BRIP1: variants seen among roughly 807,000 people sequenced by gnomAD.
The protein encoded by BRIP1 is Fanconi anemia group J protein.
A neutral mutation model predicts 119.7 loss-of-function variants in BRIP1; 88 were observed. The ratio of observed to expected loss-of-function variants is 0.74; its 90% CI spans 0.62 to 0.88. The LOEUF is 0.88. BRIP1 is among the 40% of genes least tolerant of loss of function. The pLI, the probability that BRIP1 is intolerant of heterozygous loss-of-function variation, is 0.00. For missense variants in BRIP1, 1,259 were observed against 1,455.4 expected, an observed-to-expected ratio of 0.87 and a Z score of 2.20; for synonymous variants, 443 against 496.5, an observed-to-expected ratio of 0.89 and a Z score of 1.43.
rs1463009830 is a variant in BRIP1 at position 61,853,443 on chromosome 17, C to T, written c.379+3615G>A. Among the ~76,000 whole-genome samples, 3 of 151,656 alleles carry T rather than the reference C, an allele frequency of 2.0e-5. No homozygotes were observed. The highest frequency in any genetic ancestry group is 4.4e-5 in the Non-Finnish European group (3 of 67,968). ...CAGTGAAAATTCATCAAGTTATATACTTAGGATTTGCATTTTTCTATATTT... is the reference window on the plus strand; with the variant it reads ...CAGTGAAAATTCATCAAGTTATATATTTAGGATTTGCATTTTTCTATATTT... On this transcript the variant is annotated intron_variant, in intron 4 of 19. Transcript: ENST00000259008. The surrounding 1 kb of genome is among the most constrained non-coding windows in gnomAD (Gnocchi z 4.3).
rs966694195 is a variant in BRIP1, at chr17:61,735,582, A to T, written c.2379+7431T>A. ...CGCGGGTGGATTACTTGAGCTCAGGAGTTCGAGACCAGCCTGGGCAACATA... is the reference window on the plus strand; with the variant it reads ...CGCGGGTGGATTACTTGAGCTCAGGTGTTCGAGACCAGCCTGGGCAACATA... On this transcript the variant is annotated intron_variant, in intron 16 of 19. Transcript: ENST00000259008. This position sits in a 1 kb window ranked among gnomAD's most constrained non-coding sequence, Gnocchi z 4.4. Among the ~76,000 whole-genome samples, 1 of 151,406 alleles carries T rather than the reference A, an allele frequency of 6.6e-6. No individual in the cohort carries two copies. The highest frequency in any genetic ancestry group is 2.4e-5 in the African/African-American group (1 of 41,156).
rs1567731150 is a variant in BRIP1, at chr17:61,685,897, A to C, written c.2844T>G (p.Cys948Trp). ...GTGAATTTTTGGTAATAATTTTAGG[A>C]CACTGTAGTTCCTGGACACATATCT... ...EAKICVQELQ[C>W]PKIITKNSPL... is the part of the protein sequence containing the mutation. Residue 948 changes from cysteine to tryptophan, a missense_variant, in exon 19 of 20, where the codon TGT becomes TGG. This residue lies in a region of BRIP1 where 753 missense variants were observed against 891.8 expected (regional missense o/e 0.84). Coordinates refer to ENST00000259008, the MANE Select transcript of BRIP1 (RefSeq NM_032043.3). 1 of 1,614,022 alleles carries C rather than the reference A, an allele frequency of 6.2e-7. No individual in the cohort carries two copies. The highest frequency in any genetic ancestry group is 8.5e-7 in the Non-Finnish European group (1 of 1,179,946).
rs776061324 is a variant in BRIP1, at chr17:61,680,481, T to TTTC, written c.*2814_*2815insGAA. ...GTTTACCAATTCTAAAGGTAATTTC[T>TTTC]TTTTTTTTTTTTTTTTGAGACGGAG... On this transcript the variant is annotated 3_prime_UTR_variant, in exon 20 of 20. Coordinates refer to ENST00000259008, the MANE Select transcript of BRIP1 (RefSeq NM_032043.3). Among the ~76,000 whole-genome samples, 3 of 18,002 alleles carry TTTC rather than the reference T, an allele frequency of 1.7e-4. 1 individual carries two copies. The highest frequency in any genetic ancestry group is 3.3e-4 in the Non-Finnish European group (3 of 9,118). 11.8% of individuals were successfully genotyped at this position (18,002 alleles called of 152,430 possible). A position where few individuals can be genotyped will look rare whatever the true frequency, so the allele number is the denominator to read the frequency against.
rs1251401746 is a variant in BRIP1 at position 61,734,168 on chromosome 17, A to G, written c.2379+8845T>C. 2.0e-5 allele frequency among the ~76,000 whole-genome samples: 3 copies of G among 152,220 alleles called. No individual in the cohort carries two copies. Among genetic ancestry groups the G allele is most frequent in the African/African-American group, 4.8e-5 (2 of 41,476 alleles). On this transcript the variant is annotated intron_variant, in intron 16 of 19. Coordinates refer to ENST00000259008, the MANE Select transcript of BRIP1 (RefSeq NM_032043.3). The surrounding 1 kb of genome is among the most constrained non-coding windows in gnomAD (Gnocchi z 5.2). ...ACCAATTGGAGAGGTGGATGCCTCA[A>G]TTATAAAGCTGAATACTCCTGTGGT...
In BRIP1 at chr17:61,814,714, T is replaced by C. The variant is rs1222330322; in HGVS notation, c.628-5957A>G. On this transcript the variant is annotated intron_variant, in intron 6 of 19. Coordinates refer to ENST00000259008, the MANE Select transcript of BRIP1 (RefSeq NM_032043.3). This position sits in a 1 kb window ranked among gnomAD's most constrained non-coding sequence, Gnocchi z 4.9. ...ACCCTTTGACCCAGCATGACACTGT[T>C]AGGTATACATGCTAGAAAAACTCTT... is the stretch of plus-strand genomic sequence containing the variant. Among the ~76,000 whole-genome samples, 2 of 151,986 alleles carry C rather than the reference T, an allele frequency of 1.3e-5. No individual in the cohort carries two copies. Among genetic ancestry groups the C allele is most frequent in the African/African-American group, 4.8e-5 (2 of 41,408 alleles).
chr17:61,736,228 T>C lies in BRIP1; in HGVS notation c.2379+6785A>G, dbSNP rs975010180. Among the ~76,000 whole-genome samples the C allele has an allele frequency of 2.6e-5, 4 of 151,828 alleles. No homozygotes were observed. The highest frequency in any genetic ancestry group is 9.7e-5 in the African/African-American group (4 of 41,302). On this transcript the variant is annotated intron_variant, in intron 16 of 19. Coordinates refer to ENST00000259008, the MANE Select transcript of BRIP1 (RefSeq NM_032043.3). This position sits in a 1 kb window ranked among gnomAD's most constrained non-coding sequence, Gnocchi z 4.4. ...CTACAGTCCTAGCTACCCAGGAGAC[T>C]GAGGCAGGAGGATCAATTGAGCCCA... is the stretch of plus-strand genomic sequence containing the variant.
rs2048717 is a variant in BRIP1, at chr17:61,857,252, A to T, written c.206-21T>A. ...TTTCCCTAAAAATGAAAGAACATCT[A>T]TTTATAATATATCTAATTAAATAAA... On this transcript the variant is annotated intron_variant, in intron 3 of 19. Transcript: ENST00000259008. This position sits in a 1 kb window ranked among gnomAD's most constrained non-coding sequence, Gnocchi z 5.1. 25 of 1,579,064 alleles carry T rather than the reference A, an allele frequency of 1.6e-5. No homozygotes were observed. In the South Asian group the frequency reaches 2.8e-4, roughly 18 times the overall value.
Position 61,736,503 on chromosome 17 carries a change from C to G in BRIP1, c.2379+6510G>C, listed in dbSNP as rs1015002596. On this transcript the variant is annotated intron_variant, in intron 16 of 19. Coordinates refer to ENST00000259008, the MANE Select transcript of BRIP1 (RefSeq NM_032043.3). The surrounding 1 kb of genome is among the most constrained non-coding windows in gnomAD (Gnocchi z 4.4). ...ATCCTCTAATGATTTACTACTATAACTACCCTGTATTGCCTCCTTATGAGT... is the reference window on the plus strand; with the variant it reads ...ATCCTCTAATGATTTACTACTATAAGTACCCTGTATTGCCTCCTTATGAGT... Among the ~76,000 whole-genome samples the G allele has an allele frequency of 6.6e-6, 1 of 152,136 alleles. No individual in the cohort carries two copies. The highest frequency in any genetic ancestry group is 2.4e-5 in the African/African-American group (1 of 41,424).
intron 10 of BRIP1, among the ~76,000 whole-genome samples, chr17:61,791,575 G>C (rs372662491): frequency 6.7e-6 from 1 of 148,566 alleles, no homozygotes; most frequent in Non-Finnish European, 1.5e-5. Flanking sequence ...TCGCACATGA[G>C]AGTACCTTTG....
In BRIP1 at chr17:61,726,547, T is replaced by G. The variant is rs2076768411; in HGVS notation, c.2380-10484A>C. Among the ~76,000 whole-genome samples, 1 of 152,240 alleles carries G rather than the reference T, an allele frequency of 6.6e-6. No individual in the cohort carries two copies. The highest frequency in any genetic ancestry group is 2.1e-4 in the South Asian group (1 of 4,828). On this transcript the variant is annotated intron_variant, in intron 16 of 19. Transcript: ENST00000259008. This position sits in a 1 kb window ranked among gnomAD's most constrained non-coding sequence, Gnocchi z 6.2. ...AGAGCTCTGACTACATTATTCAATGTTTGGCACATAACTTTAGGTGACTTA... is the reference window on the plus strand; with the variant it reads ...AGAGCTCTGACTACATTATTCAATGGTTGGCACATAACTTTAGGTGACTTA...
intron 6 of BRIP1, among the ~76,000 whole-genome samples, chr17:61,837,132 A>G (rs1366165744): frequency 6.6e-6 from 1 of 152,268 alleles, no homozygotes; most frequent in Non-Finnish European, 1.5e-5. Flanking sequence ...GAACATGACA[A>G]TAAGCATCAA....
In BRIP1 at chr17:61,814,778, C is replaced by G. The variant is rs1412498621; in HGVS notation, c.628-6021G>C. Among the ~76,000 whole-genome samples the G allele has an allele frequency of 6.6e-6, 1 of 151,906 alleles. No homozygotes were observed. Among genetic ancestry groups the G allele is most frequent in the Non-Finnish European group, 1.5e-5 (1 of 67,900 alleles). On this transcript the variant is annotated intron_variant, in intron 6 of 19. Coordinates refer to ENST00000259008, the MANE Select transcript of BRIP1 (RefSeq NM_032043.3). This position sits in a 1 kb window ranked among gnomAD's most constrained non-coding sequence, Gnocchi z 4.9. ...GATACAAGAGGAATATTAATTGCAGCATTGTTTTAATAGTGAGAAAAACAA... is the reference window on the plus strand; with the variant it reads ...GATACAAGAGGAATATTAATTGCAGGATTGTTTTAATAGTGAGAAAAACAA...
chr17:61,689,099 A>T lies in BRIP1; in HGVS notation c.2576-2934T>A, dbSNP rs2061407824. Among the ~76,000 whole-genome samples, 1 of 142,430 alleles carries T rather than the reference A, an allele frequency of 7.0e-6. No homozygotes were observed. The highest frequency in any genetic ancestry group is 1.5e-5 in the Non-Finnish European group (1 of 65,170). 93.4% of individuals were successfully genotyped at this position (142,430 alleles called of 152,430 possible). ...CGCTCTGTCGCCCAGGCTGGAGTGC[A>T]GTGGCGCCATCTCGGCTCACTGAAA... On this transcript the variant is annotated intron_variant, in intron 18 of 19. Transcript: ENST00000259008. The surrounding 1 kb of genome is among the most constrained non-coding windows in gnomAD (Gnocchi z 4.5).
Position 61,823,757 on chromosome 17 carries a change from AACACACACACACAC to A in BRIP1, c.628-15014_628-15001del, listed in dbSNP as rs144749656. The stretch of plus-strand genomic sequence containing the variant: ...GCTCAATGACCCCAAGCACACAATA[AACACACACACACAC>A]ACACACACACACACACACACACACA... On this transcript the variant is annotated intron_variant, in intron 6 of 19. Coordinates refer to ENST00000259008, the MANE Select transcript of BRIP1 (RefSeq NM_032043.3). The surrounding 1 kb of genome is among the most constrained non-coding windows in gnomAD (Gnocchi z 4.8). Among the ~76,000 whole-genome samples the A allele has an allele frequency of 7.6e-5, 10 of 131,744 alleles. No homozygotes were observed. The highest frequency in any genetic ancestry group is 4.1e-4 in the East Asian group (2 of 4,906). 86.4% of individuals were successfully genotyped at this position (131,744 alleles called of 152,430 possible).
At chr17:61,830,580 C>A (rs2078479087) in intron 6 of BRIP1, among the ~76,000 whole-genome samples, 1 of 152,004 alleles carries the variant, frequency 6.6e-6, no homozygotes, top group Non-Finnish European at 1.5e-5. Flanking sequence ...CTTGAATGGA[C>A]AAATTTATTG....
rs1294800151 is a variant in BRIP1, at chr17:61,799,427, G to C, written c.1141-128C>G. On this transcript the variant is annotated intron_variant, in intron 8 of 19. Coordinates refer to ENST00000259008, the MANE Select transcript of BRIP1 (RefSeq NM_032043.3). This position sits in a 1 kb window ranked among gnomAD's most constrained non-coding sequence, Gnocchi z 5.1. ...CAAATGCAATTACATAAGCAACAGA[G>C]ATTCTAGGTCTTAAATAAAACTTCT... 2 of 515,232 alleles carry C rather than the reference G, an allele frequency of 3.9e-6. No homozygotes were observed. The highest frequency in any genetic ancestry group is 6.8e-6 in the Non-Finnish European group (2 of 295,836). 31.9% of individuals were successfully genotyped at this position (515,232 alleles called of 1,614,324 possible). A position where few individuals can be genotyped will look rare whatever the true frequency, so the allele number is the denominator to read the frequency against.
At chr17:61,696,963 G>A (rs1447518822) in intron 17 of BRIP1, among the ~76,000 whole-genome samples, 6 of 130,994 alleles carry the variant, frequency 4.6e-5, no homozygotes, top group African/African-American at 1.7e-4. Context: ...TCCAGCCTGG[G>A]CAACAGATAG....
chr17:61,773,171 A>C (rs1249242705), intron 14 of BRIP1, among the ~76,000 whole-genome samples: 2 of 152,126 alleles, frequency 1.3e-5, no homozygotes, highest in Admixed American at 1.3e-4. Context: ...TTAAAAAGAC[A>C]AATACAACCA....
chr17:61,723,195 T>C (rs1467815873), intron 16 of BRIP1, among the ~76,000 whole-genome samples: 1 of 152,192 alleles, frequency 6.6e-6, no homozygotes, highest in Non-Finnish European at 1.5e-5. Flanking sequence ...CAATGACCAA[T>C]TTAAAATGAC....
Sources: allele counts gnomAD v4.1 joint callset (sites outside exome capture counted in the v4.1 genomes callset), GRCh38; gene constraint gnomAD v4.1.1; regional missense constraint gnomAD v4.1.1; non-coding constraint Gnocchi (gnomAD v3.1); transcripts MANE v1.5; gene names NCBI Gene and HGNC (gene_info 2026-07-23, HGNC 2026-07-21).